The following ST3GAL3 variants were observed in gnomAD, a reference collection of about 807,000 sequenced individuals.
ST3GAL3 encodes ST3 beta-galactoside alpha-2,3-sialyltransferase 3.
ST3GAL3 carries 21 observed loss-of-function variants against 50.1 expected under a neutral mutation model. That is an observed-to-expected ratio of 0.42 (90% CI 0.30 to 0.60). ST3GAL3 has a LOEUF of 0.60. ST3GAL3 is among the 20% of genes least tolerant of loss of function. The pLI is 0.19. For missense variants in ST3GAL3, 353 were observed against 489.4 expected (o/e 0.72, Z 2.63); for synonymous variants, 183 against 190.0 (o/e 0.96, Z 0.30).
chr1:43,795,868 C>T (rs762088270), intron 3 of ST3GAL3, among the ~76,000 whole-genome samples: 19 of 152,260 alleles, frequency 1.2e-4, no homozygotes, highest in South Asian at 6.2e-4. Context: ...ACTGAACTGG[C>T]AGTGAGTTTC....
At chr1:43,851,347 C>T in intron 5 of ST3GAL3, 2 of 1,553,840 alleles carry the variant, frequency 1.3e-6, no homozygotes, top group Non-Finnish European at 1.8e-6. Flanking sequence ...GGGTTTCCAC[C>T]AGGGCAGTTA....
intron 3 of ST3GAL3, chr1:43,801,165 T>C (rs575534995): frequency 2.5e-6 from 1 of 397,634 alleles, no homozygotes; most frequent in African/African-American, 2.1e-5. Context: ...CATGTTTTTA[T>C]CCCATAAAAT....
intron 3 of ST3GAL3, among the ~76,000 whole-genome samples, chr1:43,799,203 A>G (rs561442173): frequency 1.3e-5 from 2 of 152,198 alleles, no homozygotes; most frequent in East Asian, 1.9e-4. Flanking sequence ...AGGGGTTTCA[A>G]ATGGTTCTTA....
chr1:43,832,870 A>G (rs1202227170), intron 4 of ST3GAL3, among the ~76,000 whole-genome samples: 1 of 152,104 alleles, frequency 6.6e-6, no homozygotes, highest in Non-Finnish European at 1.5e-5. Context: ...GAATTGAAGA[A>G]TTCCCTCCTC....
At chr1:43,735,760 C>T (rs1242510270) in intron 1 of ST3GAL3, among the ~76,000 whole-genome samples, 1 of 152,224 alleles carries the variant, frequency 6.6e-6, no homozygotes, top group East Asian at 1.9e-4. Flanking sequence ...CACTTTGCCA[C>T]AGCAGCAGTA....
chr1:43,880,536 C>T (rs1035061665), intron 5 of ST3GAL3, among the ~76,000 whole-genome samples: 6 of 152,112 alleles, frequency 3.9e-5, no homozygotes, highest in Admixed American at 3.3e-4. Context: ...CCCTCCCTCT[C>T]TCCGCTTGTC....
At chr1:43,782,556 T>TTC (rs1699706897) in intron 2 of ST3GAL3, among the ~76,000 whole-genome samples, 1 of 77,032 alleles carries the variant, frequency 1.3e-5, no homozygotes, top group South Asian at 3.1e-4. Flanking sequence ...CTGCCTTATT[T>TTC]TCACTGTTTC....
intron 9 of ST3GAL3, among the ~76,000 whole-genome samples, chr1:43,911,683 A>G (rs1222424590): frequency 6.7e-5 from 10 of 149,784 alleles, no homozygotes; most frequent in East Asian, 3.9e-4. Context: ...ATATAGATAT[A>G]GATATGGATT....
chr1:43,772,185 G>A (rs1329832109), intron 2 of ST3GAL3: 2 of 394,678 alleles, frequency 5.1e-6, no homozygotes, highest in East Asian at 7.2e-5. Context: ...CAGTAGCTGG[G>A]ATTACAGGCA....
At chr1:43,781,567 C>T (rs1040824510) in intron 2 of ST3GAL3, among the ~76,000 whole-genome samples, 14 of 149,392 alleles carry the variant, frequency 9.4e-5, no homozygotes, top group South Asian at 4.2e-4. Context: ...GCTGACATCA[C>T]GACACTGCAC....
At chr1:43,860,501 A>G (rs886485867) in intron 5 of ST3GAL3, among the ~76,000 whole-genome samples, 2 of 152,228 alleles carry the variant, frequency 1.3e-5, no homozygotes, top group Admixed American at 6.5e-5. Context: ...TGGCCAAGGA[A>G]AGCTGTTGGC....
chr1:43,851,379 C>G, intron 5 of ST3GAL3: 1 of 1,600,564 alleles, frequency 6.2e-7, no homozygotes, highest in East Asian at 2.2e-5. Context: ...TGCAGGGGAG[C>G]CTGAGCAAGG....
chr1:43,848,259 A>G (rs1023652020), intron 5 of ST3GAL3, among the ~76,000 whole-genome samples: 9 of 145,976 alleles, frequency 6.2e-5, no homozygotes, highest in Admixed American at 3.4e-4. Context: ...AGTGGTTTCC[A>G]GCAATTTTAT....
At chr1:43,724,801 C>A (rs1157220498) in intron 1 of ST3GAL3, among the ~76,000 whole-genome samples, 1 of 152,162 alleles carries the variant, frequency 6.6e-6, no homozygotes, top group Non-Finnish European at 1.5e-5. Context: ...GCTCTTACCA[C>A]CTCTCACAGT....
At chr1:43,852,858 T>C (rs764590401) in intron 5 of ST3GAL3, among the ~76,000 whole-genome samples, 12 of 152,218 alleles carry the variant, frequency 7.9e-5, no homozygotes, top group Non-Finnish European at 1.8e-4. Context: ...GGGCCATAAA[T>C]GTTAGATCAT....
At chr1:43,865,265 G>A (rs112927542) in intron 5 of ST3GAL3, among the ~76,000 whole-genome samples, 1,966 of 151,944 alleles carry the variant, frequency 0.013, 52 homozygotes, top group African/African-American at 0.045. Flanking sequence ...TGATCCTCCC[G>A]CCTCGGCCTC....
At chr1:43,764,299 T>C (rs1691688880) in intron 2 of ST3GAL3, among the ~76,000 whole-genome samples, 1 of 152,216 alleles carries the variant, frequency 6.6e-6, no homozygotes, top group Non-Finnish European at 1.5e-5. Flanking sequence ...AATAGTATAG[T>C]ACATTCTGAA....
chr1:43,757,243 A>G (rs998409752), intron 2 of ST3GAL3, among the ~76,000 whole-genome samples: 2 of 152,246 alleles, frequency 1.3e-5, no homozygotes, highest in South Asian at 2.1e-4. Flanking sequence ...CTCTCAATCA[A>G]AATCCCAGAA....
At chr1:43,875,797 C>G (rs187297997) in intron 5 of ST3GAL3, among the ~76,000 whole-genome samples, 7 of 152,070 alleles carry the variant, frequency 4.6e-5, no homozygotes, top group Non-Finnish European at 8.8e-5. Flanking sequence ...AGCGTGAGAA[C>G]AGACTAATAC....
Sources: allele counts gnomAD v4.1 joint callset (sites outside exome capture counted in the v4.1 genomes callset), GRCh38; gene constraint gnomAD v4.1.1; transcripts MANE v1.5; gene names NCBI Gene and HGNC (gene_info 2026-07-23, HGNC 2026-07-21).